Variants in PACSIN1 observed in about 807,000 individuals in gnomAD.
The protein encoded by PACSIN1 is protein kinase C and casein kinase substrate in neurons protein 1.
Under a neutral mutation model 59.5 loss-of-function variants are expected in PACSIN1, and 15 were observed. That is an observed-to-expected ratio of 0.25 (90% CI 0.17 to 0.39). The LOEUF is 0.39. Ranked by LOEUF, PACSIN1 falls within the 10% of genes least tolerant of loss-of-function variation. The probability of loss-of-function intolerance (pLI) is 1.00; values close to 1 mark genes in which losing one functional copy is unlikely to be tolerated. For missense variants in PACSIN1, 420 were observed against 580.2 expected, an observed-to-expected ratio of 0.72 and a Z score of 2.84; for synonymous variants, 210 against 220.6, an observed-to-expected ratio of 0.95 and a Z score of 0.42.
At chr6:34,467,910 G>A (rs565480013) in intron 1 of PACSIN1, among the ~76,000 whole-genome samples, 1 of 152,274 alleles carries the variant, frequency 6.6e-6, no homozygotes, top group Admixed American at 6.5e-5. Context: ...TGGAGATAGT[G>A]TTGCAACCTG....
chr6:34,477,703 G>T (rs573015548), intron 1 of PACSIN1, among the ~76,000 whole-genome samples: 20 of 152,258 alleles, frequency 1.3e-4, no homozygotes, highest in African/African-American at 4.6e-4. Flanking sequence ...CTGAAACATG[G>T]TGCATACTGG....
chr6:34,500,433 G>T (rs1197428225), intron 1 of PACSIN1, among the ~76,000 whole-genome samples: 1 of 152,246 alleles, frequency 6.6e-6, no homozygotes, highest in East Asian at 1.9e-4. Context: ...GCAATATTTT[G>T]AAAGGAATCT....
At chr6:34,478,111 G>A (rs1255251229) in intron 1 of PACSIN1, among the ~76,000 whole-genome samples, 3 of 148,500 alleles carry the variant, frequency 2.0e-5, no homozygotes, top group Non-Finnish European at 4.4e-5. Context: ...CCAGGCTGGA[G>A]CACAGTGGCG....
Position 34,531,892 on chromosome 6 carries a change from G to A in PACSIN1, c.1225+105G>A. ...AGAGAGAAGCTTGGGTCTGGATTGG[G>A]TGTGTGGTGGTGCAGGGGCGGTGCC... On this transcript the variant is annotated intron_variant, in intron 9 of 9. Coordinates refer to ENST00000244458, the MANE Select transcript of PACSIN1 (RefSeq NM_020804.5). The surrounding 1 kb of genome is among the most constrained non-coding windows in gnomAD (Gnocchi z 4.4). The A allele has an allele frequency of 9.2e-7, 1 of 1,088,446 alleles. No individual in the cohort carries two copies. 67.4% of individuals were successfully genotyped at this position (1,088,446 alleles called of 1,614,324 possible). A position where few individuals can be genotyped will look rare whatever the true frequency, so the allele number is the denominator to read the frequency against.
At chr6:34,471,007 G>A (rs1452511591) in intron 1 of PACSIN1, among the ~76,000 whole-genome samples, 1 of 152,184 alleles carries the variant, frequency 6.6e-6, no homozygotes, top group East Asian at 1.9e-4. Flanking sequence ...GTGCAAGGCT[G>A]CGATCTAGGC....
In PACSIN1 at chr6:34,489,072, T is replaced by C. The variant is rs180927487; in HGVS notation, c.-64+22802T>C. On this transcript the variant is annotated intron_variant, in intron 1 of 9. Coordinates refer to ENST00000244458, the MANE Select transcript of PACSIN1 (RefSeq NM_020804.5). Reference sequence around the variant, plus strand: ...GGCATGCCCCTGTAGTTCCAGCTACTTGGGGGGCTGAGGCAGGAGGATCGC... The same window carrying C: ...GGCATGCCCCTGTAGTTCCAGCTACCTGGGGGGCTGAGGCAGGAGGATCGC... Among the ~76,000 whole-genome samples the C allele has an allele frequency of 4.1e-3, 627 of 151,602 alleles. 1 individual carries two copies. The highest frequency in any genetic ancestry group is 7.4e-3 in the Non-Finnish European group (501 of 67,918).
rs1278395545 is a variant in PACSIN1 at position 34,531,724 on chromosome 6, G to C, written c.1162G>C (p.Val388Leu). ...CCCCTTTGAGGACGACTCCAAGGGA[G>C]TGCGCGTGCGGGCACTCTACGACTA... ...ANPFEDDSKG[V>L]RVRALYDYDG... Residue 388 changes from valine (V) to leucine (L), a missense_variant, in exon 9 of 10, where the codon GTG (valine) becomes CTG (leucine). By Grantham distance (32) the Val-to-Leu change is conservative. Coordinates refer to ENST00000244458, the MANE Select transcript of PACSIN1 (RefSeq NM_020804.5). The surrounding 1 kb of genome is among the most constrained non-coding windows in gnomAD (Gnocchi z 4.4). 1.2e-6 allele frequency: 2 copies of C among 1,607,494 alleles called. No homozygotes were observed. The highest frequency in any genetic ancestry group is 1.3e-5 in the African/African-American group (1 of 74,672).
chr6:34,516,424 G>A lies in PACSIN1; in HGVS notation c.-63-9819G>A, dbSNP rs777540278. On this transcript the variant is annotated intron_variant, in intron 1 of 9. Coordinates refer to ENST00000244458, the MANE Select transcript of PACSIN1 (RefSeq NM_020804.5). The surrounding 1 kb of genome is among the most constrained non-coding windows in gnomAD (Gnocchi z 5.4). ...AAACGGGATGCAGATTCGCCTGTGC[G>A]CACTGACACTGCCTGCCCCTGCTCC... Among the ~76,000 whole-genome samples, 2 of 152,118 alleles carry A rather than the reference G, an allele frequency of 1.3e-5. No homozygotes were observed. Among genetic ancestry groups the A allele is most frequent in the Admixed American group, 6.5e-5 (1 of 15,288 alleles).
intron 1 of PACSIN1, among the ~76,000 whole-genome samples, chr6:34,474,279 A>G (rs571740799): frequency 2.0e-5 from 3 of 152,026 alleles, no homozygotes; most frequent in Non-Finnish European, 4.4e-5. Context: ...TCTACATTCA[A>G]AACACCCAGA....
intron 1 of PACSIN1, among the ~76,000 whole-genome samples, chr6:34,474,425 T>C (rs1160617284): frequency 6.6e-6 from 1 of 152,116 alleles, no homozygotes; most frequent in East Asian, 1.9e-4. Context: ...CCTTTAAAAC[T>C]TAAATCAGAT....
intron 1 of PACSIN1, among the ~76,000 whole-genome samples, chr6:34,504,288 ATATTTTTTTT>A (rs1225921926): frequency 2.0e-5 from 2 of 99,990 alleles, no homozygotes; most frequent in African/African-American, 7.8e-5. Flanking sequence ...ATATATATAT[ATATTTTTTTT>A]TTTTTTTTTT....
intron 1 of PACSIN1, among the ~76,000 whole-genome samples, chr6:34,476,601 A>G (rs997537960): frequency 6.6e-6 from 1 of 152,104 alleles, no homozygotes; most frequent in African/African-American, 2.4e-5. Flanking sequence ...CCCCTACACT[A>G]CAGGGCTCAG....
In PACSIN1 at chr6:34,484,667, C is replaced by T. The variant is rs571107369; in HGVS notation, c.-64+18397C>T. Among the ~76,000 whole-genome samples, 12 of 151,944 alleles carry T rather than the reference C, an allele frequency of 7.9e-5. 1 individual carries two copies. Among genetic ancestry groups the T allele is most frequent in the South Asian group, 6.3e-4 (3 of 4,796 alleles). On this transcript the variant is annotated intron_variant, in intron 1 of 9. Transcript: ENST00000244458. The stretch of plus-strand genomic sequence containing the variant: ...CTAACAAATGTACCACAGAGATGCA[C>T]GGTATGGACAATAAGGGTGGCTACT...
intron 1 of PACSIN1, among the ~76,000 whole-genome samples, chr6:34,489,477 G>A (rs1018571464): frequency 7.9e-5 from 12 of 152,004 alleles, no homozygotes; most frequent in Admixed American, 2.6e-4. Context: ...CCTCCACGTC[G>A]AAAACCCACA....
intron 1 of PACSIN1, among the ~76,000 whole-genome samples, chr6:34,474,016 T>A (rs1373274068): frequency 1.3e-5 from 2 of 152,220 alleles, no homozygotes; most frequent in Non-Finnish European, 2.9e-5. Context: ...CAGGTAAAGT[T>A]CACACGTTAT....
intron 1 of PACSIN1, among the ~76,000 whole-genome samples, chr6:34,481,000 A>G (rs1766710238): frequency 6.6e-6 from 1 of 150,648 alleles, no homozygotes; most frequent in Non-Finnish European, 1.5e-5. Flanking sequence ...CATTATTCTC[A>G]GTAATGCTCA....
chr6:34,478,630 C>T (rs531321611), intron 1 of PACSIN1, among the ~76,000 whole-genome samples: 1 of 152,174 alleles, frequency 6.6e-6, no homozygotes, highest in South Asian at 2.1e-4. Flanking sequence ...CTCGGCCTCC[C>T]GAAGTGCTGG....
intron 1 of PACSIN1, among the ~76,000 whole-genome samples, chr6:34,467,457 GGAGGGGGTCGAGCCCCTTCTT>G (rs1343862203): frequency 6.6e-6 from 1 of 152,198 alleles, no homozygotes; most frequent in Non-Finnish European, 1.5e-5. Flanking sequence ...GCAACCTGAG[GGAGGGGGTCGAGCCCCTTCTT>G]GGGCTTTCTC....
chr6:34,486,338 A>T (rs574498581), intron 1 of PACSIN1, among the ~76,000 whole-genome samples: 2 of 152,122 alleles, frequency 1.3e-5, no homozygotes, highest in Admixed American at 6.5e-5. Flanking sequence ...TGTGGTTCTC[A>T]CAGCCATGGG....
Sources: allele counts gnomAD v4.1 joint callset (sites outside exome capture counted in the v4.1 genomes callset), GRCh38; gene constraint gnomAD v4.1.1; non-coding constraint Gnocchi (gnomAD v3.1); transcripts MANE v1.5; gene names NCBI Gene and HGNC (gene_info 2026-07-23, HGNC 2026-07-21).